Variants in TMEM260 observed in about 807,000 individuals in gnomAD.
TMEM260 encodes the protein protein O-mannosyl-transferase TMEM260.
A neutral mutation model predicts 88.9 loss-of-function variants in TMEM260; 82 were observed. The observed-to-expected ratio is 0.92, with a 90% CI of 0.77 to 1.11. The LOEUF is 1.11. TMEM260 is among the 50% of genes least tolerant of loss of function. The pLI is 0.00. For synonymous variants in TMEM260, 314 were observed against 309.3 expected (o/e 1.02, Z -0.16); for missense variants, 902 against 853.4 (o/e 1.06, Z -0.71).
chr14:56,640,898 C>G (rs766691065), intron 15 of TMEM260, among the ~76,000 whole-genome samples: 5 of 151,922 alleles, frequency 3.3e-5, no homozygotes, highest in Non-Finnish European at 7.4e-5. Context: ...AGGGTATCAG[C>G]GATGGACAAT....
chr14:56,662,721 A>G, the TMEM260 span, among the ~76,000 whole-genome samples: 9 of 152,352 alleles, frequency 5.9e-5, no homozygotes, highest in East Asian at 7.7e-4. Context: ...TGAATCCCAC[A>G]TGAGTGTATC....
chr14:56,598,621 G>A (rs1886386909), intron 3 of TMEM260, among the ~76,000 whole-genome samples: 1 of 152,206 alleles, frequency 6.6e-6, no homozygotes, highest in African/African-American at 2.4e-5. Flanking sequence ...AATATAATGA[G>A]ACTATCTTCT....
At chr14:56,591,174 G>C (rs1285432290) in intron 3 of TMEM260, among the ~76,000 whole-genome samples, 2 of 152,090 alleles carry the variant, frequency 1.3e-5, no homozygotes, top group Non-Finnish European at 2.9e-5. Flanking sequence ...ACTGGAACTA[G>C]TCATCAGTTA....
At chr14:56,641,138 G>A (rs10148110) in intron 15 of TMEM260, among the ~76,000 whole-genome samples, 20,037 of 146,882 alleles carry the variant, frequency 0.14, 2,996 homozygotes, top group African/African-American at 0.31. Flanking sequence ...AGTCAGGCCA[G>A]CATTCAAATT....
At chr14:56,643,398 A>C (rs1477831351) in intron 15 of TMEM260, among the ~76,000 whole-genome samples, 1 of 152,210 alleles carries the variant, frequency 6.6e-6, no homozygotes, top group East Asian at 1.9e-4. Flanking sequence ...AACAGAACCA[A>C]AGACAAAAAC....
At position 56,596,406 on chromosome 14, in the gene TMEM260, G is replaced by GTATA. The variant is rs890940479; in HGVS notation, c.345-7392_345-7389dup. ...AGTGTGTGTGTGTGTGTGTGTGTGTGTATATATATATATATATATACATAC... is the reference window on the plus strand; with the variant it reads ...AGTGTGTGTGTGTGTGTGTGTGTGTGTATATATATATATATATATATATACATAC... On this transcript the variant is annotated intron_variant, in intron 3 of 15. Transcript: ENST00000261556. Among the ~76,000 whole-genome samples, 30 of 111,328 alleles carry GTATA rather than the reference G, an allele frequency of 2.7e-4. 1 individual carries two copies. Among genetic ancestry groups the GTATA allele is most frequent in the South Asian group, 1.4e-3 (5 of 3,646 alleles). 73.0% of individuals were successfully genotyped at this position (111,328 alleles called of 152,430 possible). A position where few individuals can be genotyped will look rare whatever the true frequency, so the allele number is the denominator to read the frequency against.
chr14:56,609,392 T>C (rs1002828404), intron 6 of TMEM260, 107 bp downstream of exon 6: 11 of 1,076,754 alleles, frequency 1.0e-5, no homozygotes, highest in Non-Finnish European at 1.3e-5. Context: ...GTAGATCAAA[T>C]GTTTGTTTTG....
intron 5 of TMEM260, among the ~76,000 whole-genome samples, chr14:56,606,849 C>T (rs1028479089): frequency 6.6e-6 from 1 of 152,150 alleles, no homozygotes; most frequent in African/African-American, 2.4e-5. Flanking sequence ...GAGCCGATAT[C>T]GCGCCACTGC....
At chr14:56,579,599 G>C (rs1242468124), upstream of TMEM260, 1 of 289,652 alleles carries the variant, frequency 3.5e-6, no homozygotes, top group Non-Finnish European at 6.4e-6. Flanking sequence ...CCATGGAGAA[G>C]GTAGGCCTGT....
intron 15 of TMEM260, among the ~76,000 whole-genome samples, chr14:56,640,275 C>G (rs1428889561): frequency 6.6e-6 from 1 of 152,150 alleles, no homozygotes; most frequent in African/African-American, 2.4e-5. Flanking sequence ...CCTCACACAG[C>G]CGGGTACTCC....
At chr14:56,602,713 T>C (rs1404643032) in intron 3 of TMEM260, among the ~76,000 whole-genome samples, 1 of 144,680 alleles carries the variant, frequency 6.9e-6, no homozygotes, top group Non-Finnish European at 1.5e-5. Flanking sequence ...CTGAAAGAAA[T>C]GGGAAACTGC....
At chr14:56,613,276 T>G (rs1274225622) in intron 7 of TMEM260, 14 of 152,180 alleles carry the variant, frequency 9.2e-5, no homozygotes, top group Admixed American at 9.2e-4. Context: ...ATTTCAACTT[T>G]ATATGTGAGG....
Position 56,595,336 on chromosome 14 carries a change from A to G in TMEM260, c.345-8479A>G, listed in dbSNP as rs146089058. Among the ~76,000 whole-genome samples the G allele has an allele frequency of 9.5e-3, 1,444 of 152,110 alleles. 7 individuals carry two copies. Among genetic ancestry groups the G allele is most frequent in the Non-Finnish European group, 0.015 (1,044 of 67,990 alleles). On this transcript the variant is annotated intron_variant, in intron 3 of 15. Transcript: ENST00000261556. ...AGTGTCTTATTGATATGGAGGGTTC[A>G]TTGTTGTTTGGCTCAATAAAATATA... is the stretch of plus-strand genomic sequence containing the variant.
chr14:56,641,570 G>T (rs964496361), intron 15 of TMEM260, among the ~76,000 whole-genome samples: 1 of 152,052 alleles, frequency 6.6e-6, no homozygotes, highest in African/African-American at 2.4e-5. Context: ...CATGCCAAAT[G>T]GTAAAGACCA....
the TMEM260 span, among the ~76,000 whole-genome samples, chr14:56,660,800 C>A: frequency 6.6e-6 from 1 of 152,212 alleles, no homozygotes; most frequent in Non-Finnish European, 1.5e-5. Flanking sequence ...GTCTCGCTCT[C>A]TCTTCTCTAC....
In TMEM260 at chr14:56,579,988, G is replaced by T; in HGVS notation, c.74G>T (p.Gly25Val). The change falls in exon 1 of 16, where the codon GGC becomes GTC. Residue 25 changes from glycine (G) to valine (V), a missense_variant. Transcript: ENST00000261556. ...CGAGTGGGGCTGCGGCGCTCCGGGG[G>T]CATCCGCGGCGGCGTGGCGGTGTTC... ...AVRVGLRRSGGIRGGVAVFAA... is the reference protein window; with the variant it reads ...AVRVGLRRSGVIRGGVAVFAA... 5 of 1,245,480 alleles carry T rather than the reference G, an allele frequency of 4.0e-6. No individual in the cohort carries two copies. The highest frequency in any genetic ancestry group is 4.0e-6 in the Non-Finnish European group (4 of 989,198). 77.2% of individuals were successfully genotyped at this position (1,245,480 alleles called of 1,614,324 possible).
the TMEM260 span, among the ~76,000 whole-genome samples, chr14:56,657,933 A>T: frequency 1.8e-4 from 27 of 152,140 alleles, no homozygotes; most frequent in African/African-American, 6.5e-4. Context: ...TCTCAGCAAC[A>T]TTGGATTAAA....
chr14:56,609,319 A>C, intron 6 of TMEM260, 34 bp downstream of exon 6: 1 of 1,595,532 alleles, frequency 6.3e-7, no homozygotes. Context: ...CTAAGGAAAC[A>C]AGTGGCAAAA....
chr14:56,601,839 C>T (rs1231548399), intron 3 of TMEM260, among the ~76,000 whole-genome samples: 1 of 152,252 alleles, frequency 6.6e-6, no homozygotes, highest in East Asian at 1.9e-4. Context: ...CTGTGTCCTT[C>T]TGTCATGCCC....
Sources: gnomAD v4.1 joint callset for allele counts (sites outside exome capture counted in the v4.1 genomes callset) on GRCh38, gnomAD v4.1.1 for gene constraint, MANE v1.5 for transcripts, NCBI Gene and HGNC (gene_info 2026-07-23, HGNC 2026-07-21) for gene names.